DEFB110: variants seen among roughly 807,000 people sequenced by gnomAD.
The protein encoded by DEFB110 is defensin beta 110.
In DEFB110, 4 loss-of-function variants were observed where a neutral mutation model predicts 2.5. The ratio of observed to expected loss-of-function variants is 1.60; its 90% CI spans 0.79 to 3.66. The LOEUF is 3.66. Ranked by LOEUF, DEFB110 falls within the 30% of genes most tolerant of loss-of-function variation. The pLI is 0.01. For missense variants in DEFB110, 94 were observed against 75.4 expected (o/e 1.25, Z -0.91); for synonymous variants, 29 against 21.8 (o/e 1.33, Z -0.92).
chr6:50,019,136 G>A lies in DEFB110; in HGVS notation c.56-11C>T, dbSNP rs761620571. ...GATATTTCTTTTTGGCTGTAAGAAGGGAAGAATGACTAAAATTAGCCATCT... is the reference window on the plus strand; with the variant it reads ...GATATTTCTTTTTGGCTGTAAGAAGAGAAGAATGACTAAAATTAGCCATCT... On this transcript the variant is annotated splice_polypyrimidine_tract_variant and intron_variant, in intron 1 of 1. Coordinates refer to ENST00000371148, the MANE Select transcript of DEFB110 (RefSeq NM_001037497.2). 1.9e-6 allele frequency: 3 copies of A among 1,608,988 alleles called. No homozygotes were observed. Among genetic ancestry groups the A allele is most frequent in the South Asian group, 1.1e-5 (1 of 90,256 alleles).
In DEFB110 at chr6:50,019,172, C is replaced by T. The variant is rs763002971; in HGVS notation, c.56-47G>A. On this transcript the variant is annotated intron_variant, in intron 1 of 1. Transcript: ENST00000371148. ...TAAAATTAGCCATCTAGCTATGACACATCCATGTTTTAAAAGGAGAAAGTC... is the reference window on the plus strand; with the variant it reads ...TAAAATTAGCCATCTAGCTATGACATATCCATGTTTTAAAAGGAGAAAGTC... 1.8e-5 allele frequency: 28 copies of T among 1,568,270 alleles called. No homozygotes were observed. In the South Asian group the frequency reaches 3.3e-4, roughly 18 times the overall value.
downstream of DEFB110, among the ~76,000 whole-genome samples, chr6:50,015,354 C>T (rs1005927189): frequency 2.0e-5 from 3 of 151,694 alleles, no homozygotes; most frequent in African/African-American, 7.3e-5. Flanking sequence ...TTGAATTGCT[C>T]TCAGAATAAA....
chr6:50,016,545 A>AT (rs958682739), downstream of DEFB110, among the ~76,000 whole-genome samples: 31 of 151,866 alleles, frequency 2.0e-4, no homozygotes, highest in Non-Finnish European at 2.5e-4. Context: ...ATTTTTAAGC[A>AT]TTTTTTTGCC....
intron 1 of DEFB110, among the ~76,000 whole-genome samples, chr6:50,010,798 C>G (rs1368062036): frequency 6.6e-6 from 1 of 151,414 alleles, no homozygotes; most frequent in Non-Finnish European, 1.5e-5. Context: ...AGAATAGAAA[C>G]TTTTTAAGCC....
chr6:50,014,828 C>T (rs1324946755), downstream of DEFB110, among the ~76,000 whole-genome samples: 1 of 151,732 alleles, frequency 6.6e-6, no homozygotes, highest in Non-Finnish European at 1.5e-5. Flanking sequence ...TATTCTACCC[C>T]TCCTGCTTAT....
At chr6:50,009,775 A>G (rs1288345078) in intron 1 of DEFB110, among the ~76,000 whole-genome samples, 2 of 152,112 alleles carry the variant, frequency 1.3e-5, no homozygotes, top group Admixed American at 6.6e-5. Flanking sequence ...GAGAAAACTC[A>G]AAACTAAAGT....
downstream of DEFB110, among the ~76,000 whole-genome samples, chr6:50,015,377 T>C (rs1342450914): frequency 6.6e-6 from 1 of 151,778 alleles, no homozygotes; most frequent in Non-Finnish European, 1.5e-5. Flanking sequence ...TCAAGATCTT[T>C]TCTAGCTCCT....
At chr6:50,015,945 A>C (rs1418358768), downstream of DEFB110, among the ~76,000 whole-genome samples, 1 of 151,816 alleles carries the variant, frequency 6.6e-6, no homozygotes, top group Non-Finnish European at 1.5e-5. Flanking sequence ...ATCAAATTGA[A>C]TATTACTTAA....
chr6:50,021,944 G>A lies in DEFB110; in HGVS notation c.-9C>T, dbSNP rs10948540. On this transcript the variant is annotated 5_prime_UTR_variant, in exon 1 of 2. Transcript: ENST00000371148. Reference sequence around the variant, plus strand: ...AAAAGTTGAATCTTCATGGTAGAGAGTTTCTTAAAAAAAGGGGGCAACAGA... The same window carrying A: ...AAAAGTTGAATCTTCATGGTAGAGAATTTCTTAAAAAAAGGGGGCAACAGA... The A allele has an allele frequency of 0.089, 137,095 of 1,533,296 alleles. 6,715 individuals carry two copies. The highest frequency in any genetic ancestry group is 0.13 in the Admixed American group (5,323 of 41,494). The allele number at this position is 1,533,296 out of a possible 1,614,324, so 95.0% of individuals were successfully genotyped here.
At chr6:50,013,325 C>A (rs560106068) in intron 1 of DEFB110, among the ~76,000 whole-genome samples, 2 of 151,898 alleles carry the variant, frequency 1.3e-5, no homozygotes, top group Admixed American at 6.6e-5. Flanking sequence ...GAAGGTCTTA[C>A]AAGCAAAAAG....
At chr6:50,012,014 T>C (rs2113937502) in intron 1 of DEFB110, among the ~76,000 whole-genome samples, 1 of 152,176 alleles carries the variant, frequency 6.6e-6, no homozygotes, top group East Asian at 1.9e-4. Context: ...AAATTGAGGT[T>C]TTATTGAAAT....
chr6:50,010,132 T>C (rs1001484713), intron 1 of DEFB110, among the ~76,000 whole-genome samples: 1 of 152,028 alleles, frequency 6.6e-6, no homozygotes, highest in African/African-American at 2.4e-5. Flanking sequence ...CCTATCTGGA[T>C]GATATAATAT....
chr6:50,009,369 G>T, intron 1 of DEFB110: 1 of 1,275,020 alleles, frequency 7.8e-7, no homozygotes, highest in East Asian at 2.5e-5. Flanking sequence ...ATGAGATCAT[G>T]TGTGTGCAAG....
rs779419124 is a variant in DEFB110, at chr6:50,021,966, C to A, written c.-31G>T. On this transcript the variant is annotated 5_prime_UTR_variant, in exon 1 of 2. Coordinates refer to ENST00000371148, the MANE Select transcript of DEFB110 (RefSeq NM_001037497.2). ...AGAGTTTCTTAAAAAAAGGGGGCAA[C>A]AGACCTCCTTTTTCAAGTCAGTTGT... The A allele has an allele frequency of 1.3e-6, 2 of 1,512,684 alleles. No individual in the cohort carries two copies. Among genetic ancestry groups the A allele is most frequent in the Non-Finnish European group, 8.8e-7 (1 of 1,133,366 alleles). The allele number at this position is 1,512,684 out of a possible 1,614,324, so 93.7% of individuals were successfully genotyped here. A position where few individuals can be genotyped will look rare whatever the true frequency, so the allele number is the denominator to read the frequency against.
intron 1 of DEFB110, chr6:50,009,392 G>A: frequency 2.0e-6 from 2 of 1,007,654 alleles, no homozygotes; most frequent in Non-Finnish European, 2.8e-6. Flanking sequence ...GGAGACAATG[G>A]AACGTCAAGT....
At chr6:50,017,522 TG>T (rs1774337763), downstream of DEFB110, among the ~76,000 whole-genome samples, 1 of 151,872 alleles carries the variant, frequency 6.6e-6, no homozygotes, top group Non-Finnish European at 1.5e-5. Context: ...GAGTTAAGGA[TG>T]CTGAAAAACA....
chr6:50,011,315 T>A (rs1774224563), intron 1 of DEFB110, among the ~76,000 whole-genome samples: 1 of 151,948 alleles, frequency 6.6e-6, no homozygotes, highest in African/African-American at 2.4e-5. Flanking sequence ...AACAAATTGT[T>A]TGGAGGAAAG....
downstream of DEFB110, among the ~76,000 whole-genome samples, chr6:50,018,668 C>A (rs188969284): frequency 2.1e-3 from 326 of 152,062 alleles, 4 homozygotes; most frequent in Non-Finnish European, 3.4e-3. Context: ...TTTCCCACAA[C>A]CTTACTTATG....
chr6:50,011,036 A>G (rs2113936824), intron 1 of DEFB110, among the ~76,000 whole-genome samples: 1 of 152,054 alleles, frequency 6.6e-6, no homozygotes, highest in South Asian at 2.1e-4. Flanking sequence ...TGCATTGTAA[A>G]ATTGGTTCTA....
Sources: allele counts gnomAD v4.1 joint callset (sites outside exome capture counted in the v4.1 genomes callset), GRCh38; gene constraint gnomAD v4.1.1; transcripts MANE v1.5; gene names NCBI Gene and HGNC (gene_info 2026-07-23, HGNC 2026-07-21).